MED8: variants seen among roughly 807,000 people sequenced by gnomAD.
MED8 encodes mediator of RNA polymerase II transcription subunit 8.
Under a neutral mutation model 34.8 loss-of-function variants are expected in MED8, and 22 were observed. The ratio of observed to expected loss-of-function variants is 0.63; its 90% CI spans 0.45 to 0.90. MED8 has a LOEUF of 0.90. Among genes scored for constraint, MED8 ranks in the 40% least tolerant of loss-of-function variants. The probability of loss-of-function intolerance (pLI) is 0.00; values close to 1 mark genes in which losing one functional copy is unlikely to be tolerated. For synonymous variants in MED8, 105 were observed against 120.2 expected, an observed-to-expected ratio of 0.87 and a Z score of 0.83; for missense variants, 260 against 326.3, an observed-to-expected ratio of 0.80 and a Z score of 1.57.
intron 3 of MED8, among the ~76,000 whole-genome samples, 152 bp from the exon 4 acceptor site, chr1:43,387,150 T>A (rs1394857597): frequency 1.3e-5 from 2 of 152,212 alleles, no homozygotes; most frequent in Non-Finnish European, 2.9e-5. Flanking sequence ...CACTCTCCTT[T>A]ACTCCATCCT....
rs1189352846 is a variant in MED8, at chr1:43,386,284, C to A, written c.494-58G>T. On this transcript the variant is annotated intron_variant, in intron 5 of 6. Transcript: ENST00000372457. The surrounding 1 kb of genome is among the most constrained non-coding windows in gnomAD (Gnocchi z 4.9). ...GCTTCTGATGCAGGACTGAACGTGG[C>A]AGCTGGAAGACCAGTATGAGTGCCA... 6.4e-7 allele frequency: 1 copy of A among 1,571,618 alleles called. No individual in the cohort carries two copies. The highest frequency in any genetic ancestry group is 1.3e-5 in the African/African-American group (1 of 74,396).
rs964988236 is a variant in MED8, at chr1:43,386,805, A to C, written c.411+53T>G. The C allele has an allele frequency of 6.2e-7, 1 of 1,611,288 alleles. No individual in the cohort carries two copies. The highest frequency in any genetic ancestry group is 8.5e-7 in the Non-Finnish European group (1 of 1,178,420). ...CTACTAGACAGGAATGGTAATGCCT[A>C]GCTTCTCATGATGGGATGGGGATGG... On this transcript the variant is annotated intron_variant, in intron 4 of 6. Coordinates refer to ENST00000372457, the MANE Select transcript of MED8 (RefSeq NM_201542.5). The surrounding 1 kb of genome is among the most constrained non-coding windows in gnomAD (Gnocchi z 4.9).
At position 43,384,821 on chromosome 1, in the gene MED8, T is replaced by C; in HGVS notation, c.*221A>G. On this transcript the variant is annotated 3_prime_UTR_variant, in exon 7 of 7. Transcript: ENST00000372457. ...CATTTTAATCCTCACAACAACCCTA[T>C]GAGGTAGGTATTATCACCATTTACA... 2.2e-6 allele frequency: 3 copies of C among 1,385,908 alleles called. No homozygotes were observed. Among genetic ancestry groups the C allele is most frequent in the Admixed American group, 3.1e-5 (1 of 32,338 alleles). The allele number at this position is 1,385,908 out of a possible 1,614,324, so 85.9% of individuals were successfully genotyped here.
At chr1:43,387,336 G>C (rs575945930) in intron 3 of MED8, among the ~76,000 whole-genome samples, 167 bp downstream of exon 3, 1 of 152,156 alleles carries the variant, frequency 6.6e-6, no homozygotes, top group African/African-American at 2.4e-5. Context: ...TACCCCTCAG[G>C]TTATTACAGC....
At chr1:43,385,576 G>C in intron 6 of MED8, 1 of 263,302 alleles carries the variant, frequency 3.8e-6, no homozygotes, top group Non-Finnish European at 7.4e-6. Flanking sequence ...ACAGAGAAAA[G>C]AATACATGTA....
rs750870255 is a variant in MED8 at position 43,386,826 on chromosome 1, GA to G, written c.411+31del. On this transcript the variant is annotated intron_variant, in intron 4 of 6. Coordinates refer to ENST00000372457, the MANE Select transcript of MED8 (RefSeq NM_201542.5). This position sits in a 1 kb window ranked among gnomAD's most constrained non-coding sequence, Gnocchi z 4.9. ...GCCTAGCTTCTCATGATGGGATGGG[GA>G]TGGGGCAGCAAGGCAGTGACTCAGT... 3 of 1,613,142 alleles carry G rather than the reference GA, an allele frequency of 1.9e-6. No homozygotes were observed. The African/African-American group carries it at 4.0e-5, about 21-fold the overall frequency.
rs772276360 is a variant in MED8, at chr1:43,386,717, T to G, written c.412-47A>C. The G allele has an allele frequency of 6.3e-7, 1 of 1,592,276 alleles. No individual in the cohort carries two copies. The highest frequency in any genetic ancestry group is 2.3e-5 in the East Asian group (1 of 44,328). On this transcript the variant is annotated intron_variant, in intron 4 of 6. Transcript: ENST00000372457. The surrounding 1 kb of genome is among the most constrained non-coding windows in gnomAD (Gnocchi z 4.9). ...AGAGATTAGGGTAACTAGGAAACGA[T>G]ATGGAGAAATTTATTCCTTGGGTTC...
chr1:43,389,609 T>G, intron 1 of MED8, 150 bp downstream of exon 1: 1 of 1,259,188 alleles, frequency 7.9e-7, no homozygotes, highest in Non-Finnish European at 1.1e-6. Context: ...CCCGCTCCAA[T>G]TAGCCTCGCC....
rs747629795 is a variant in MED8 at position 43,389,730 on chromosome 1, G to A, written c.6+29C>T. The A allele has an allele frequency of 5.0e-6, 8 of 1,602,836 alleles. No homozygotes were observed. In the South Asian group the frequency reaches 8.9e-5, roughly 18 times the overall value. On this transcript the variant is annotated intron_variant, in intron 1 of 6. Transcript: ENST00000372457. The stretch of plus-strand genomic sequence containing the variant: ...CGGTCCCTGTACCCGAAGCTTGCCA[G>A]CCGCTAGTACGCCCAACGCAACTCT...
In MED8 at chr1:43,386,769, A is replaced by G; in HGVS notation, c.411+89T>C. 6.2e-7 allele frequency: 1 copy of G among 1,601,700 alleles called. No homozygotes were observed. The highest frequency in any genetic ancestry group is 8.5e-7 in the Non-Finnish European group (1 of 1,173,028). ...GCCAGAAGCAACTTAGGCGCAACCAACTATGTATCCCTACTAGACAGGAAT... is the reference window on the plus strand; with the variant it reads ...GCCAGAAGCAACTTAGGCGCAACCAGCTATGTATCCCTACTAGACAGGAAT... On this transcript the variant is annotated intron_variant, in intron 4 of 6. Transcript: ENST00000372457. The surrounding 1 kb of genome is among the most constrained non-coding windows in gnomAD (Gnocchi z 4.9).
At chr1:43,385,352 C>A (rs985210417) in intron 6 of MED8, 8 of 471,826 alleles carry the variant, frequency 1.7e-5, no homozygotes, top group Middle Eastern at 3.3e-4. Context: ...GATAGCTAAA[C>A]CTGTGTGACT....
chr1:43,386,681 C>G lies in MED8; in HGVS notation c.412-11G>C. On this transcript the variant is annotated splice_polypyrimidine_tract_variant and intron_variant, in intron 4 of 6. Transcript: ENST00000372457. This position sits in a 1 kb window ranked among gnomAD's most constrained non-coding sequence, Gnocchi z 4.9. Reference sequence around the variant, plus strand: ...GCTCTGGATCTGCTTCTGTAACACACAAATTTGTGCAGAGATTAGGGTAAC... The same window carrying G: ...GCTCTGGATCTGCTTCTGTAACACAGAAATTTGTGCAGAGATTAGGGTAAC... The G allele has an allele frequency of 6.2e-7, 1 of 1,606,044 alleles. No individual in the cohort carries two copies. Among genetic ancestry groups the G allele is most frequent in the Non-Finnish European group, 8.5e-7 (1 of 1,175,944 alleles).
intron 1 of MED8, chr1:43,389,126 CAAATT>C (rs1647932367): frequency 6.6e-6 from 1 of 152,540 alleles, no homozygotes; most frequent in Admixed American, 6.5e-5. Context: ...ACTGGACAAA[CAAATT>C]AAAATGCTGG....
At chr1:43,389,277 C>G (rs1377165294) in intron 1 of MED8, 1 of 162,762 alleles carries the variant, frequency 6.1e-6, no homozygotes, top group Non-Finnish European at 1.3e-5. Context: ...AAACTTGATC[C>G]CGGGTTCCAC....
At position 43,386,140 on chromosome 1, in the gene MED8, A is replaced by G. The variant is rs558873182; in HGVS notation, c.580T>C (p.Trp194Arg). 6.2e-7 allele frequency: 1 copy of G among 1,614,034 alleles called. No homozygotes were observed. Among genetic ancestry groups the G allele is most frequent in the African/African-American group, 1.3e-5 (1 of 75,066 alleles). ...GGACCACTGCTGCCTGAAGGTCTCC[A>G]ATTAGATAGTCCTTTCCCAAAGGCA... ...AVAFGKGLSN[W>R]RPSGSSGPGQ... The change falls in exon 6 of 7, where the codon TGG becomes CGG. Residue 194 changes from tryptophan (W) to arginine (R), a missense_variant. Trp to Arg is a moderately radical substitution (Grantham distance 101). Coordinates refer to ENST00000372457, the MANE Select transcript of MED8 (RefSeq NM_201542.5). This position sits in a 1 kb window ranked among gnomAD's most constrained non-coding sequence, Gnocchi z 4.9.
At position 43,384,299 on chromosome 1, in the gene MED8, C is replaced by A. The variant is rs996483697; in HGVS notation, c.*743G>T. On this transcript the variant is annotated 3_prime_UTR_variant, in exon 7 of 7. Transcript: ENST00000372457. ...GCTTTTTCGTGTGCTAAGGAAAAAC[C>A]CTTTCCCACATAGTCCTGCCTGGCA... 135 of 986,072 alleles carry A rather than the reference C, an allele frequency of 1.4e-4. 1 individual carries two copies. In the African/African-American group the frequency reaches 2.0e-3, roughly 15 times the overall value. The allele number at this position is 986,072 out of a possible 1,614,324, so 61.1% of individuals were successfully genotyped here.
intron 2 of MED8, 52 bp downstream of exon 2, chr1:43,388,258 G>T (rs1647822171): frequency 6.4e-7 from 1 of 1,558,770 alleles, no homozygotes; most frequent in Non-Finnish European, 8.8e-7. Flanking sequence ...TCATCAGGAG[G>T]CTAGGCCCCC....
Position 43,386,519 on chromosome 1 carries a change from A to G in MED8, c.493+70T>C. Reference sequence around the variant, plus strand: ...TTGTGTCCTAACTTCACTACTTCCAAAACAACCATTCCCATTCCAGTGATC... The same window carrying G: ...TTGTGTCCTAACTTCACTACTTCCAGAACAACCATTCCCATTCCAGTGATC... On this transcript the variant is annotated intron_variant, in intron 5 of 6. Transcript: ENST00000372457. This position sits in a 1 kb window ranked among gnomAD's most constrained non-coding sequence, Gnocchi z 4.9. The G allele has an allele frequency of 6.6e-7, 1 of 1,509,936 alleles. No homozygotes were observed. Among genetic ancestry groups the G allele is most frequent in the East Asian group, 2.4e-5 (1 of 42,124 alleles). 93.5% of individuals were successfully genotyped at this position (1,509,936 alleles called of 1,614,324 possible).
chr1:43,385,875 G>A, intron 6 of MED8, 103 bp downstream of exon 6: 1 of 1,500,928 alleles, frequency 6.7e-7, no homozygotes. Context: ...AGGAGAAATA[G>A]AGAAAACCTC....
Sources: gnomAD v4.1 joint callset for allele counts (sites outside exome capture counted in the v4.1 genomes callset) on GRCh38, gnomAD v4.1.1 for gene constraint, Gnocchi (gnomAD v3.1) non-coding constraint, MANE v1.5 for transcripts, NCBI Gene and HGNC (gene_info 2026-07-23, HGNC 2026-07-21) for gene names.